The following TMCO5A variants were observed in gnomAD, a reference collection of about 807,000 sequenced individuals.
The protein encoded by TMCO5A is transmembrane and coiled-coil domain-containing protein 5A.
A neutral mutation model predicts 42.3 loss-of-function variants in TMCO5A; 34 were observed. The ratio of observed to expected loss-of-function variants is 0.80; its 90% confidence interval spans 0.61 to 1.07. The LOEUF is 1.07. TMCO5A is among the 50% of genes least tolerant of loss of function. TMCO5A has a pLI of 0.00. For missense variants in TMCO5A, 357 were observed against 327.9 expected (o/e 1.09, Z -0.69); for synonymous variants, 131 against 115.6 (o/e 1.13, Z -0.86).
At chr15:38,011,765 C>T in the TMCO5A span, among the ~76,000 whole-genome samples, 2 of 152,124 alleles carry the variant, frequency 1.3e-5, no homozygotes, top group Admixed American at 6.6e-5. Flanking sequence ...TTTACATTTG[C>T]TTCCACGTGT....
chr15:37,981,657 A>G, the TMCO5A span, among the ~76,000 whole-genome samples: 1 of 152,210 alleles, frequency 6.6e-6, no homozygotes. Flanking sequence ...GTCTCTGAAA[A>G]TATAGAAAAC....
the TMCO5A span, chr15:38,004,825 A>G: frequency 2.0e-5 from 3 of 152,218 alleles, no homozygotes; most frequent in African/African-American, 7.2e-5. Flanking sequence ...ATGTGAAGTT[A>G]AAACCAGGTA....
At chr15:37,966,823 G>T in exon 12 of TMCO5A, 1 of 639,616 alleles carries the variant, frequency 1.6e-6, no homozygotes, top group Non-Finnish European at 2.8e-6. Context: ...GGAGTACTCT[G>T]ATTGGTCAAG....
the TMCO5A span, among the ~76,000 whole-genome samples, chr15:37,991,274 C>T: frequency 6.6e-6 from 1 of 152,078 alleles, no homozygotes; most frequent in Admixed American, 6.6e-5. Context: ...TACAGGACTC[C>T]TTTTAGTTTT....
At chr15:37,980,324 G>A in the TMCO5A span, among the ~76,000 whole-genome samples, 2 of 152,270 alleles carry the variant, frequency 1.3e-5, no homozygotes, top group East Asian at 1.9e-4. Context: ...GGGTGCCCAG[G>A]GGTCTAAGAT....
chr15:37,936,805 T>C, intron 3 of TMCO5A, 42 bp from the exon 4 acceptor site: 1 of 1,607,518 alleles, frequency 6.2e-7, no homozygotes. Context: ...GTTCTGAAAC[T>C]GCCAAGCATG....
chr15:37,941,966 A>T (rs1889762314), intron 8 of TMCO5A, among the ~76,000 whole-genome samples: 2 of 152,042 alleles, frequency 1.3e-5, no homozygotes, highest in South Asian at 4.1e-4. Flanking sequence ...TTAATAATTC[A>T]CACTTCTGCT....
At chr15:37,942,513 C>T (rs928331670) in intron 9 of TMCO5A, 5 of 358,024 alleles carry the variant, frequency 1.4e-5, no homozygotes, top group Admixed American at 4.2e-5. Context: ...CATTATTATT[C>T]GGGTTGATAT....
the TMCO5A span, among the ~76,000 whole-genome samples, chr15:38,037,938 G>A: frequency 3.3e-5 from 5 of 151,726 alleles, no homozygotes; most frequent in African/African-American, 4.8e-5. Flanking sequence ...GCTTGAACCC[G>A]GGAGGCAGAG....
At chr15:37,988,084 AC>A in the TMCO5A span, among the ~76,000 whole-genome samples, 2 of 151,932 alleles carry the variant, frequency 1.3e-5, no homozygotes, top group Non-Finnish European at 2.9e-5. Flanking sequence ...CTAGGTTAAT[AC>A]TTAAGCATTT....
chr15:37,952,741 G>C (rs1890190125), downstream of TMCO5A, among the ~76,000 whole-genome samples: 1 of 152,202 alleles, frequency 6.6e-6, no homozygotes, highest in South Asian at 2.1e-4. Flanking sequence ...GTGAGGTAGA[G>C]CACAGAGTGA....
the TMCO5A span, among the ~76,000 whole-genome samples, chr15:37,999,993 G>C: frequency 6.6e-6 from 1 of 151,900 alleles, no homozygotes; most frequent in Admixed American, 6.5e-5. Flanking sequence ...TTCTTTTTTT[G>C]ATGTGTCTTT....
At chr15:37,945,820 T>C (rs1167426679) in intron 10 of TMCO5A, among the ~76,000 whole-genome samples, 2 of 152,202 alleles carry the variant, frequency 1.3e-5, no homozygotes, top group Admixed American at 6.6e-5. Context: ...TTCTGTAGGT[T>C]GTCTGCTCAC....
chr15:38,006,857 TA>T, the TMCO5A span, among the ~76,000 whole-genome samples: 64 of 151,380 alleles, frequency 4.2e-4, no homozygotes, highest in African/African-American at 1.5e-3. Flanking sequence ...TTTTAATATT[TA>T]TATTATTATT....
At chr15:37,990,258 C>A in the TMCO5A span, among the ~76,000 whole-genome samples, 1 of 152,074 alleles carries the variant, frequency 6.6e-6, no homozygotes, top group African/African-American at 2.4e-5. Flanking sequence ...AAATCTACTT[C>A]TCCCTCCAAT....
Position 37,941,695 on chromosome 15 carries a change from AC to A in TMCO5A, c.472del (p.Gln158SerfsTer10). On this transcript the variant is annotated frameshift_variant, in exon 8 of 12. Transcript: ENST00000319669. LOFTEE classifies it high-confidence loss of function. ...LKVMKEYAFV[T>X]QLCEDQALYI... Reference sequence around the variant, plus strand: ...GGTAATGAAGGAGTATGCATTTGTGACCCAGCTCTGTGAAGATCAAGCCCTC... The same window carrying A: ...GGTAATGAAGGAGTATGCATTTGTGACCAGCTCTGTGAAGATCAAGCCCTC... The A allele has an allele frequency of 6.2e-7, 1 of 1,611,738 alleles. No homozygotes were observed. The highest frequency in any genetic ancestry group is 8.5e-7 in the Non-Finnish European group (1 of 1,178,274).
chr15:38,037,470 G>C, the TMCO5A span, among the ~76,000 whole-genome samples: 10 of 152,216 alleles, frequency 6.6e-5, no homozygotes, highest in African/African-American at 2.4e-4. Flanking sequence ...CCAAGGGTAA[G>C]TAGAGTGATA....
the TMCO5A span, among the ~76,000 whole-genome samples, chr15:37,991,013 T>C: frequency 6.6e-6 from 1 of 152,078 alleles, no homozygotes; most frequent in Non-Finnish European, 1.5e-5. Context: ...TTATAAACTA[T>C]TTAAAAAACA....
the TMCO5A span, among the ~76,000 whole-genome samples, chr15:38,027,623 A>G: frequency 6.6e-6 from 1 of 152,156 alleles, no homozygotes; most frequent in Non-Finnish European, 1.5e-5. Flanking sequence ...ATGTGAGGAC[A>G]TGAGATTTGG....
Sources: gnomAD v4.1 joint callset for allele counts (sites outside exome capture counted in the v4.1 genomes callset) on GRCh38, gnomAD v4.1.1 for gene constraint, MANE v1.5 for transcripts, NCBI Gene and HGNC (gene_info 2026-07-23, HGNC 2026-07-21) for gene names.